Variants in EPHB1 observed in about 807,000 individuals in gnomAD.
The protein encoded by EPHB1 is EPH receptor B1.
Under a neutral mutation model 94.4 loss-of-function variants are expected in EPHB1, and 30 were observed. The ratio of observed to expected loss-of-function variants is 0.32; its 90% CI spans 0.24 to 0.43. EPHB1 has a LOEUF of 0.43. Among genes scored for constraint, EPHB1 ranks in the 20% least tolerant of loss-of-function variants. The pLI is 1.00. For missense variants in EPHB1, 1,055 were observed against 1,308.3 expected (o/e 0.81, Z 2.99); for synonymous variants, 522 against 489.1 (o/e 1.07, Z -0.89).
chr3:134,846,344 C>T (rs893926257), intron 1 of EPHB1, among the ~76,000 whole-genome samples: 6 of 152,112 alleles, frequency 3.9e-5, no homozygotes, highest in Admixed American at 6.5e-5. Context: ...GGCAGGGCTC[C>T]GAGGCCCCAT....
At chr3:135,026,053 T>A in intron 3 of EPHB1, among the ~76,000 whole-genome samples, 1 of 74,344 alleles carries the variant, frequency 1.3e-5, no homozygotes, top group Non-Finnish European at 3.0e-5. Context: ...CACTTTTTGA[T>A]GGGGTTGTTT....
At chr3:134,944,393 A>G (rs944276524) in intron 2 of EPHB1, among the ~76,000 whole-genome samples, 1 of 152,226 alleles carries the variant, frequency 6.6e-6, no homozygotes, top group Non-Finnish European at 1.5e-5. Context: ...CTTAGGTGAC[A>G]TATTAAAGAG....
In EPHB1 at chr3:135,127,795, C is replaced by T. The variant is rs1306008462; in HGVS notation, c.962-4919C>T. Among the ~76,000 whole-genome samples, 15 of 152,276 alleles carry T rather than the reference C, an allele frequency of 9.9e-5. No homozygotes were observed. In the East Asian group the frequency reaches 2.5e-3, roughly 26 times the overall value. On this transcript the variant is annotated intron_variant, in intron 4 of 15. Transcript: ENST00000398015. ...GAGATTCTATCTTAATATGGTAGCACTTGGGCTGGCCCTGTGGGTCTAGAA... is the reference window on the plus strand; with the variant it reads ...GAGATTCTATCTTAATATGGTAGCATTTGGGCTGGCCCTGTGGGTCTAGAA...
intron 1 of EPHB1, among the ~76,000 whole-genome samples, chr3:134,827,384 C>T (rs192517290): frequency 6.9e-6 from 1 of 145,210 alleles, no homozygotes; most frequent in Admixed American, 6.8e-5. Context: ...CACACACACA[C>T]ACACATACAC....
chr3:135,000,442 A>T (rs1211215324), intron 3 of EPHB1, among the ~76,000 whole-genome samples: 1 of 152,334 alleles, frequency 6.6e-6, no homozygotes, highest in East Asian at 1.9e-4. Flanking sequence ...AGGCAGAGGG[A>T]TAGATTAAGT....
chr3:135,038,402 T>C (rs1241034805), intron 3 of EPHB1, among the ~76,000 whole-genome samples: 1 of 152,188 alleles, frequency 6.6e-6, no homozygotes, highest in Non-Finnish European at 1.5e-5. Context: ...TGAGTAAACA[T>C]GTAAGTCCTG....
At chr3:135,061,368 A>ACCCCCCCCCCCCCCCCC (rs34282243) in intron 3 of EPHB1, among the ~76,000 whole-genome samples, 4 of 111,370 alleles carry the variant, frequency 3.6e-5, no homozygotes, top group Non-Finnish European at 3.8e-5. Context: ...AGGAATGACC[A>ACCCCCCCCCCCCCCCCC]CCCCCCCCGA....
chr3:134,924,940 C>A (rs2038760503), intron 1 of EPHB1, among the ~76,000 whole-genome samples: 1 of 152,168 alleles, frequency 6.6e-6, no homozygotes, highest in Admixed American at 6.5e-5. Context: ...AAAAGGATTA[C>A]AAAGGGACTA....
chr3:134,868,988 C>G (rs997003481), intron 1 of EPHB1, among the ~76,000 whole-genome samples: 4 of 152,240 alleles, frequency 2.6e-5, no homozygotes, highest in Non-Finnish European at 4.4e-5. Context: ...GATTCAAATC[C>G]TATCTCTGCC....
rs560753147 is a variant in EPHB1 at position 134,946,679 on chromosome 3, G to T, written c.124-4692G>T. Among the ~76,000 whole-genome samples the T allele has an allele frequency of 2.0e-5, 3 of 152,234 alleles. No individual in the cohort carries two copies. The East Asian group carries it at 5.8e-4, about 29-fold the overall frequency. ...GGGATCCCTCATGAATGGCTTGATG[G>T]TCTCCTTATGGTAATGAGTGAGTCT... On this transcript the variant is annotated intron_variant, in intron 2 of 15. Transcript: ENST00000398015.
At chr3:134,801,420 G>A (rs866439766) in intron 1 of EPHB1, among the ~76,000 whole-genome samples, 6 of 152,180 alleles carry the variant, frequency 3.9e-5, no homozygotes, top group East Asian at 3.9e-4. Flanking sequence ...TGGGGGCAGC[G>A]GAGGGGGCAC....
chr3:135,004,990 C>T lies in EPHB1; in HGVS notation c.805+52938C>T, dbSNP rs4356860. ...AGTCATTCTCCGTCCAGCTTTGTTC[C>T]GTTGCTGGTGAGGAGCTGCGTTCCT... On this transcript the variant is annotated intron_variant, in intron 3 of 15. Coordinates refer to ENST00000398015, the MANE Select transcript of EPHB1 (RefSeq NM_004441.5). Among the ~76,000 whole-genome samples the T allele has an allele frequency of 2.0e-3, 308 of 152,340 alleles. 1 individual carries two copies. The highest frequency in any genetic ancestry group is 0.013 in the South Asian group (63 of 4,832).
intron 12 of EPHB1, among the ~76,000 whole-genome samples, chr3:135,202,196 C>T (rs748843499): frequency 1.3e-5 from 2 of 152,216 alleles, no homozygotes; most frequent in Non-Finnish European, 2.9e-5. Context: ...CAGCCTCCCC[C>T]TCTACATTCT....
At chr3:135,161,241 C>A (rs1941496171) in intron 6 of EPHB1, among the ~76,000 whole-genome samples, 1 of 152,132 alleles carries the variant, frequency 6.6e-6, no homozygotes, top group African/African-American at 2.4e-5. Flanking sequence ...ATGACAGGGA[C>A]TGTAGAGGTC....
chr3:135,120,777 C>T (rs776907021), intron 4 of EPHB1, among the ~76,000 whole-genome samples: 2 of 152,152 alleles, frequency 1.3e-5, no homozygotes, highest in Non-Finnish European at 2.9e-5. Flanking sequence ...ATATTTAACC[C>T]ACAGTCACTT....
At position 135,163,148 on chromosome 3, in the gene EPHB1, G is replaced by A. The variant is rs1280443322; in HGVS notation, c.1585+968G>A. 2.0e-5 allele frequency among the ~76,000 whole-genome samples: 3 copies of A among 152,190 alleles called. No individual in the cohort carries two copies. In the East Asian group the frequency reaches 5.8e-4, roughly 29 times the overall value. On this transcript the variant is annotated intron_variant, in intron 7 of 15. Transcript: ENST00000398015. ...GCTCTCAGTCTGGGTGTTTGATAGG[G>A]CTTGAGATTTTATCTTGATGCACAT...
At chr3:134,823,505 G>T (rs1324679883) in intron 1 of EPHB1, among the ~76,000 whole-genome samples, 1 of 152,138 alleles carries the variant, frequency 6.6e-6, no homozygotes, top group African/African-American at 2.4e-5. Context: ...CTTCCCTCAG[G>T]CTCCGTAACA....
intron 1 of EPHB1, among the ~76,000 whole-genome samples, chr3:134,890,844 T>G (rs903477321): frequency 6.6e-6 from 1 of 152,114 alleles, no homozygotes; most frequent in African/African-American, 2.4e-5. Context: ...ATAAGTGGGG[T>G]TTTTCTCTTT....
intron 1 of EPHB1, among the ~76,000 whole-genome samples, chr3:134,889,161 G>A (rs2037917100): frequency 1.3e-5 from 2 of 152,250 alleles, no homozygotes; most frequent in Non-Finnish European, 2.9e-5. Context: ...AGGGAGGCAA[G>A]AGAATAATCT....
Sources: allele counts gnomAD v4.1 joint callset (sites outside exome capture counted in the v4.1 genomes callset), GRCh38; gene constraint gnomAD v4.1.1; transcripts MANE v1.5; gene names NCBI Gene and HGNC (gene_info 2026-07-23, HGNC 2026-07-21).